Variants in HEMK2 observed in about 807,000 individuals in gnomAD.
The protein encoded by HEMK2 is methyltransferase HEMK2.
the HEMK2 span, among the ~76,000 whole-genome samples, chr21:28,882,705 T>A: frequency 1.3e-5 from 2 of 152,202 alleles, no homozygotes; most frequent in Non-Finnish European, 2.9e-5. Flanking sequence ...ACATTCCCAA[T>A]CTTCTATAAA....
the HEMK2 span, among the ~76,000 whole-genome samples, chr21:28,655,381 T>G: frequency 6.6e-6 from 1 of 152,040 alleles, no homozygotes; most frequent in Admixed American, 6.6e-5. Context: ...GCATAAAAAT[T>G]TGCTATAAAT....
the HEMK2 span, among the ~76,000 whole-genome samples, chr21:28,704,512 A>G: frequency 1.4e-5 from 2 of 147,632 alleles, no homozygotes; most frequent in African/African-American, 4.9e-5. Flanking sequence ...TTTACTAAAT[A>G]TTTTCTTCAT....
the HEMK2 span, among the ~76,000 whole-genome samples, chr21:28,869,615 A>G: frequency 6.6e-6 from 1 of 152,182 alleles, no homozygotes; most frequent in African/African-American, 2.4e-5. Flanking sequence ...AAAATCTCTC[A>G]TGCATAATCT....
the HEMK2 span, among the ~76,000 whole-genome samples, chr21:28,693,370 C>T: frequency 2.0e-5 from 3 of 152,088 alleles, no homozygotes; most frequent in African/African-American, 7.2e-5. Flanking sequence ...ATTATTAAAG[C>T]TAATGTCATC....
chr21:28,879,483 C>A, the HEMK2 span, among the ~76,000 whole-genome samples: 1 of 152,244 alleles, frequency 6.6e-6, no homozygotes. Flanking sequence ...CTCAGGTAAT[C>A]TGCCGCCTCG....
At chr21:28,884,331 A>G in the HEMK2 span, among the ~76,000 whole-genome samples, 1 of 152,236 alleles carries the variant, frequency 6.6e-6, no homozygotes, top group African/African-American at 2.4e-5. Flanking sequence ...GACTAGTTTA[A>G]TAAGAGCTGG....
At chr21:28,629,457 A>G in the HEMK2 span, among the ~76,000 whole-genome samples, 5 of 152,346 alleles carry the variant, frequency 3.3e-5, no homozygotes, top group Non-Finnish European at 7.3e-5. Context: ...CATCCAAAAT[A>G]GCCAGAATGT....
At chr21:28,782,567 A>T in the HEMK2 span, among the ~76,000 whole-genome samples, 2 of 152,346 alleles carry the variant, frequency 1.3e-5, no homozygotes, top group South Asian at 2.1e-4. Flanking sequence ...CGAATAATCA[A>T]AAAACCTTAA....
the HEMK2 span, among the ~76,000 whole-genome samples, chr21:28,697,669 C>T: frequency 1.4e-5 from 2 of 147,306 alleles, no homozygotes; most frequent in Non-Finnish European, 3.0e-5. Context: ...GTAATCTTTG[C>T]ACATATTAGC....
At chr21:28,791,858 A>G in the HEMK2 span, among the ~76,000 whole-genome samples, 1 of 152,128 alleles carries the variant, frequency 6.6e-6, no homozygotes. Context: ...ATTCTAAGTC[A>G]CAGGAAAAGA....
At chr21:28,876,910 T>C in the HEMK2 span, among the ~76,000 whole-genome samples, 1 of 151,570 alleles carries the variant, frequency 6.6e-6, no homozygotes, top group Non-Finnish European at 1.5e-5. Context: ...AGTAGCTTAT[T>C]TCTTTCAGGC....
At chr21:28,834,338 A>G in the HEMK2 span, among the ~76,000 whole-genome samples, 1 of 152,160 alleles carries the variant, frequency 6.6e-6, no homozygotes, top group Non-Finnish European at 1.5e-5. Flanking sequence ...GAGTGCCCCA[A>G]CCTTGGAAGC....
the HEMK2 span, among the ~76,000 whole-genome samples, chr21:28,755,661 C>T: frequency 6.6e-6 from 1 of 151,810 alleles, no homozygotes; most frequent in Non-Finnish European, 1.5e-5. Context: ...TATGACACTA[C>T]CAGATAGAGC....
the HEMK2 span, among the ~76,000 whole-genome samples, chr21:28,823,568 G>A: frequency 3.3e-5 from 5 of 152,046 alleles, no homozygotes; most frequent in South Asian, 2.1e-4. Context: ...AACCTAATCC[G>A]CAATGTGGGG....
the HEMK2 span, among the ~76,000 whole-genome samples, chr21:28,688,559 A>G: frequency 6.6e-6 from 1 of 151,754 alleles, no homozygotes; most frequent in Non-Finnish European, 1.5e-5. Context: ...GCTTATCTCC[A>G]GGATCTAGGA....
At chr21:28,844,287 C>T in the HEMK2 span, among the ~76,000 whole-genome samples, 5 of 152,028 alleles carry the variant, frequency 3.3e-5, no homozygotes, top group Non-Finnish European at 5.9e-5. Context: ...TATCCATCTG[C>T]TTTTTTCTCC....
At chr21:28,742,740 T>C in the HEMK2 span, among the ~76,000 whole-genome samples, 1 of 152,096 alleles carries the variant, frequency 6.6e-6, no homozygotes, top group South Asian at 2.1e-4. Flanking sequence ...AAAACAGTCA[T>C]GTGCAATGTC....
At chr21:28,580,124 G>A in the HEMK2 span, among the ~76,000 whole-genome samples, 1 of 152,086 alleles carries the variant, frequency 6.6e-6, no homozygotes, top group African/African-American at 2.4e-5. Flanking sequence ...TAGGTGACTC[G>A]GCTTCTACCA....
the HEMK2 span, among the ~76,000 whole-genome samples, chr21:28,606,787 G>A: frequency 2.0e-5 from 3 of 152,266 alleles, no homozygotes; most frequent in African/African-American, 4.8e-5. Flanking sequence ...TAATGGCAAA[G>A]GCAGGCAAAG....
Sources: allele counts gnomAD v4.1 joint callset (sites outside exome capture counted in the v4.1 genomes callset), GRCh38; gene constraint gnomAD v4.1.1; transcripts MANE v1.5; gene names NCBI Gene and HGNC (gene_info 2026-07-23, HGNC 2026-07-21).